Variants in COA8 observed in about 807,000 individuals in gnomAD.
COA8 encodes cytochrome c oxidase assembly factor 8.
Under a neutral mutation model 22.0 loss-of-function variants are expected in COA8, and 20 were observed. The observed-to-expected ratio is 0.91, with a 90% CI of 0.64 to 1.32. The LOEUF (loss-of-function observed/expected upper bound fraction) is 1.32. Ranked by LOEUF, COA8 falls within the 40% of genes most tolerant of loss-of-function variation. The pLI, the probability that COA8 is intolerant of heterozygous loss-of-function variation, is 0.00. For synonymous variants in COA8, 105 were observed against 79.9 expected (o/e 1.31, Z -1.68); for missense variants, 266 against 230.0 (o/e 1.16, Z -1.01).
rs768127792 is a variant in COA8 at position 103,590,177 on chromosome 14, A to G, written c.477-4A>G. 1.9e-6 allele frequency: 3 copies of G among 1,613,276 alleles called. No individual in the cohort carries two copies. The highest frequency in any genetic ancestry group is 8.5e-7 in the Non-Finnish European group (1 of 1,179,460). On this transcript the variant is annotated splice_region_variant and splice_polypyrimidine_tract_variant and intron_variant, in intron 4 of 4. Coordinates refer to ENST00000409074, the MANE Select transcript of COA8 (RefSeq NM_001370595.2). ...TCACCTGTGCATCCTCTGTTTCTCTACAGAGATTGGTACAAGCGCAATTTT... is the reference window on the plus strand; with the variant it reads ...TCACCTGTGCATCCTCTGTTTCTCTGCAGAGATTGGTACAAGCGCAATTTT...
intron 3 of COA8, among the ~76,000 whole-genome samples, chr14:103,575,591 G>A (rs1595142490): frequency 1.3e-5 from 2 of 152,286 alleles, no homozygotes; most frequent in Non-Finnish European, 1.5e-5. Context: ...GGGGAGCTTT[G>A]TTGAATACGT....
At chr14:103,563,346 C>T in intron 1 of COA8, 1 of 707,024 alleles carries the variant, frequency 1.4e-6, no homozygotes, top group East Asian at 2.7e-5. Flanking sequence ...GGACTGTTGA[C>T]AGCCAGAACC....
Position 103,581,273 on chromosome 14 carries a change from G to T in COA8, c.386-6001G>T, listed in dbSNP as rs1872782393. 6.6e-6 allele frequency among the ~76,000 whole-genome samples: 1 copy of T among 152,148 alleles called. No individual in the cohort carries two copies. ...TGATAACTAATAAAATAGAACAAGT[G>T]TAACAATATGCCAGCATCTCTAATC... is the stretch of plus-strand genomic sequence containing the variant. On this transcript the variant is annotated intron_variant, in intron 3 of 4. Transcript: ENST00000409074. This position sits in a 1 kb window ranked among gnomAD's most constrained non-coding sequence, Gnocchi z 4.1.
intron 1 of COA8, among the ~76,000 whole-genome samples, chr14:103,570,616 C>T (rs1219590916): frequency 6.6e-6 from 1 of 152,046 alleles, no homozygotes; most frequent in Non-Finnish European, 1.5e-5. Flanking sequence ...GCCTATAATC[C>T]CAGCTACTCA....
At chr14:103,564,078 GGGAGAC>G (rs1251338791) in intron 1 of COA8, among the ~76,000 whole-genome samples, 8 of 152,148 alleles carry the variant, frequency 5.3e-5, no homozygotes, top group Admixed American at 6.5e-5. Flanking sequence ...GCTTGAACCC[GGGAGAC>G]GGAGGTTGCT....
chr14:103,589,302 G>A (rs562150450), intron 4 of COA8, among the ~76,000 whole-genome samples: 2 of 152,284 alleles, frequency 1.3e-5, no homozygotes, highest in African/African-American at 2.4e-5. Context: ...TTTACTTTGG[G>A]CACTGCTCCT....
intron 4 of COA8, among the ~76,000 whole-genome samples, chr14:103,589,878 C>T (rs949506804): frequency 1.3e-5 from 2 of 151,644 alleles, no homozygotes; most frequent in Non-Finnish European, 2.9e-5. Context: ...CGCGCCACTG[C>T]ACTCCAGCCT....
chr14:103,568,416 G>C (rs937652661), intron 1 of COA8, among the ~76,000 whole-genome samples: 6 of 151,490 alleles, frequency 4.0e-5, no homozygotes, highest in Non-Finnish European at 8.8e-5. Context: ...TTACAGTTAA[G>C]AAGAAAGGAG....
chr14:103,568,491 A>G (rs768158544), intron 1 of COA8, among the ~76,000 whole-genome samples: 6 of 151,858 alleles, frequency 4.0e-5, no homozygotes, highest in East Asian at 1.9e-4. Context: ...ATACACACAT[A>G]TATATACACA....
intron 3 of COA8, among the ~76,000 whole-genome samples, chr14:103,578,693 GC>G (rs2076246424): frequency 6.6e-6 from 1 of 152,210 alleles, no homozygotes; most frequent in Non-Finnish European, 1.5e-5. Context: ...GCCCTGCTTA[GC>G]AGATATTACA....
intron 1 of COA8, among the ~76,000 whole-genome samples, chr14:103,569,587 A>G (rs1231672024): frequency 6.6e-6 from 1 of 152,216 alleles, no homozygotes; most frequent in Non-Finnish European, 1.5e-5. Context: ...GACAGTGGTC[A>G]TGCACGGTTA....
chr14:103,588,571 C>T (rs1375386932), intron 4 of COA8, among the ~76,000 whole-genome samples: 1 of 151,956 alleles, frequency 6.6e-6, no homozygotes, highest in Non-Finnish European at 1.5e-5. Flanking sequence ...GGGCCAGGCA[C>T]GGTAGCTCAC....
intron 1 of COA8, among the ~76,000 whole-genome samples, chr14:103,566,239 T>A (rs992905603): frequency 6.6e-6 from 1 of 151,918 alleles, no homozygotes; most frequent in African/African-American, 2.4e-5. Flanking sequence ...CCGGCCAACA[T>A]GGTGAAATCC....
chr14:103,577,103 ACT>A (rs2076235275), intron 3 of COA8, among the ~76,000 whole-genome samples: 2 of 152,198 alleles, frequency 1.3e-5, no homozygotes, highest in Admixed American at 1.3e-4. Flanking sequence ...ATGGAGTCTC[ACT>A]CTGTCACCAG....
At chr14:103,569,904 T>A (rs1359882743) in intron 1 of COA8, among the ~76,000 whole-genome samples, 1 of 152,256 alleles carries the variant, frequency 6.6e-6, no homozygotes, top group African/African-American at 2.4e-5. Flanking sequence ...TCGCCCAGGC[T>A]GGAATGCAGT....
At chr14:103,572,145 A>G (rs973818873) in intron 2 of COA8, among the ~76,000 whole-genome samples, 7 of 151,922 alleles carry the variant, frequency 4.6e-5, no homozygotes, top group African/African-American at 1.7e-4. Flanking sequence ...AAAAGAAAAA[A>G]AAGTTTTAGA....
intron 2 of COA8, among the ~76,000 whole-genome samples, chr14:103,573,466 C>T (rs943490538): frequency 4.6e-5 from 7 of 152,002 alleles, no homozygotes; most frequent in East Asian, 1.9e-4. Context: ...CCATCGTGCC[C>T]GGCAACATTT....
At chr14:103,580,949 A>G (rs2076263465) in intron 3 of COA8, among the ~76,000 whole-genome samples, 1 of 152,082 alleles carries the variant, frequency 6.6e-6, no homozygotes, top group Non-Finnish European at 1.5e-5. Context: ...GGCATGTGCC[A>G]CCACGCCCGG....
chr14:103,585,012 C>A (rs1316044839), intron 3 of COA8, among the ~76,000 whole-genome samples: 1 of 151,962 alleles, frequency 6.6e-6, no homozygotes, highest in Non-Finnish European at 1.5e-5. Flanking sequence ...GTGGTGCGTG[C>A]CTGTAATCCC....
Sources: allele counts gnomAD v4.1 joint callset (sites outside exome capture counted in the v4.1 genomes callset), GRCh38; gene constraint gnomAD v4.1.1; non-coding constraint Gnocchi (gnomAD v3.1); transcripts MANE v1.5; gene names NCBI Gene and HGNC (gene_info 2026-07-23, HGNC 2026-07-21).